Variants in PPP3CC observed in about 807,000 individuals in gnomAD.
The protein encoded by PPP3CC is protein phosphatase 3 catalytic subunit gamma.
In PPP3CC, 35 loss-of-function variants were observed where a neutral mutation model predicts 60.3. That is an observed-to-expected ratio of 0.58 (90% CI 0.44 to 0.77). The LOEUF is 0.77. Among genes scored for constraint, PPP3CC ranks in the 30% least tolerant of loss-of-function variants. The pLI, the probability that PPP3CC is intolerant of heterozygous loss-of-function variation, is 0.00. For missense variants in PPP3CC, 570 were observed against 628.9 expected (o/e 0.91, Z 1.00); for synonymous variants, 206 against 224.3 (o/e 0.92, Z 0.73).
intron 1 of PPP3CC, among the ~76,000 whole-genome samples, chr8:22,464,620 A>G (rs970031303): frequency 2.0e-5 from 3 of 152,156 alleles, no homozygotes; most frequent in Non-Finnish European, 4.4e-5. Context: ...GAGCTCAAGC[A>G]ATCCACCCAC....
chr8:22,540,506 C>A (rs1839935090), intron 13 of PPP3CC, 109 bp from the exon 14 acceptor site: 3 of 1,123,994 alleles, frequency 2.7e-6, no homozygotes, highest in Non-Finnish European at 3.8e-6. Flanking sequence ...CCATAGCCAC[C>A]TTTCTGTGTG....
intron 12 of PPP3CC, 84 bp from the exon 13 acceptor site, chr8:22,539,385 G>T (rs758388992): frequency 3.1e-5 from 45 of 1,460,896 alleles, no homozygotes; most frequent in Non-Finnish European, 4.1e-5. Flanking sequence ...CCCCTGGGAT[G>T]GCTGTGCTGC....
At chr8:22,456,774 C>T (rs1402279357) in intron 1 of PPP3CC, among the ~76,000 whole-genome samples, 1 of 152,194 alleles carries the variant, frequency 6.6e-6, no homozygotes, top group Non-Finnish European at 1.5e-5. Context: ...ACGGGAAACT[C>T]AGTTTTATAG....
At chr8:22,524,427 C>T (rs538201130) in intron 8 of PPP3CC, among the ~76,000 whole-genome samples, 33 of 152,298 alleles carry the variant, frequency 2.2e-4, no homozygotes, top group African/African-American at 7.7e-4. Context: ...AACTTAAGTT[C>T]TGTCCTAGTC....
At chr8:22,535,776 C>G (rs114444521) in intron 12 of PPP3CC, among the ~76,000 whole-genome samples, 3,044 of 152,276 alleles carry the variant, frequency 0.02, 118 homozygotes, top group African/African-American at 0.069. Flanking sequence ...CTGTTGCCCA[C>G]GCTGGAGTGC....
intron 4 of PPP3CC, among the ~76,000 whole-genome samples, chr8:22,510,182 CAAAAAA>C (rs71546815): frequency 1.4e-4 from 12 of 88,274 alleles, no homozygotes; most frequent in Non-Finnish European, 2.0e-4. Context: ...GACTCCGTCT[CAAAAAA>C]AAAAAAAAAA....
chr8:22,532,814 G>A (rs1186040871), intron 11 of PPP3CC, 107 bp from the exon 12 acceptor site: 2 of 675,372 alleles, frequency 3.0e-6, no homozygotes, highest in East Asian at 3.3e-5. Context: ...GGAGGTAGGA[G>A]AACCTATCTT....
chr8:22,508,549 T>G (rs1563756982), intron 4 of PPP3CC, among the ~76,000 whole-genome samples: 1 of 152,236 alleles, frequency 6.6e-6, no homozygotes, highest in Non-Finnish European at 1.5e-5. Context: ...CTTCCTTACT[T>G]GTCCAGACTT....
rs1031215257 is a variant in PPP3CC, at chr8:22,483,265, T to C, written c.372+7641T>C. The stretch of plus-strand genomic sequence containing the variant: ...TCTTTGGGAAGACCACATGTCATTT[T>C]ATTTTTTTATTTTTCAATTTTTATT... On this transcript the variant is annotated intron_variant, in intron 3 of 13. Transcript: ENST00000240139. Among the ~76,000 whole-genome samples the C allele has an allele frequency of 5.9e-5, 9 of 152,182 alleles. No homozygotes were observed. In the East Asian group the frequency reaches 1.7e-3, roughly 29 times the overall value.
At chr8:22,522,387 G>GT in intron 6 of PPP3CC, 104 bp from the exon 7 acceptor site, 2 of 858,574 alleles carry the variant, frequency 2.3e-6, no homozygotes, top group Non-Finnish European at 3.6e-6. Context: ...AATACTTGTA[G>GT]TTTTGAAACA....
At chr8:22,459,536 T>G (rs1837306252) in intron 1 of PPP3CC, among the ~76,000 whole-genome samples, 1 of 152,166 alleles carries the variant, frequency 6.6e-6, no homozygotes, top group Non-Finnish European at 1.5e-5. Context: ...TTCATTTTCA[T>G]GAGAGAGTAT....
At chr8:22,460,834 G>T (rs888289670) in intron 1 of PPP3CC, among the ~76,000 whole-genome samples, 1 of 151,958 alleles carries the variant, frequency 6.6e-6, no homozygotes, top group Admixed American at 6.6e-5. Flanking sequence ...AATGAAAAAA[G>T]AAAATCTTTA....
chr8:22,446,086 T>A (rs981556147), intron 1 of PPP3CC, among the ~76,000 whole-genome samples: 1 of 152,244 alleles, frequency 6.6e-6, no homozygotes, highest in Admixed American at 6.5e-5. Context: ...TTAAAAATTT[T>A]TTTTGCCTTA....
At chr8:22,462,497 G>A (rs1837390405) in intron 1 of PPP3CC, among the ~76,000 whole-genome samples, 1 of 152,136 alleles carries the variant, frequency 6.6e-6, no homozygotes, top group Non-Finnish European at 1.5e-5. Context: ...GATGGGTTGT[G>A]AATGTTTATA....
intron 3 of PPP3CC, 162 bp downstream of exon 3, chr8:22,475,786 T>C (rs1837870453): frequency 1.4e-6 from 1 of 698,556 alleles, no homozygotes; most frequent in Admixed American, 3.6e-5. Flanking sequence ...GATAGAACAG[T>C]TATTCCTTTT....
chr8:22,509,108 G>A (rs1839008746), intron 4 of PPP3CC, among the ~76,000 whole-genome samples: 1 of 152,146 alleles, frequency 6.6e-6, no homozygotes, highest in Admixed American at 6.5e-5. Context: ...ACTCAGGGAT[G>A]GAAGGCCTTA....
chr8:22,531,077 C>G lies in PPP3CC; in HGVS notation c.1142-1148C>G, dbSNP rs560329832. The stretch of plus-strand genomic sequence containing the variant: ...TCATAGATGTGAATTAATGTAAAAC[C>G]ATAAACTTTTAAGAAATGGAAGAAA... On this transcript the variant is annotated intron_variant, in intron 10 of 13. Transcript: ENST00000240139. Among the ~76,000 whole-genome samples, 5 of 152,100 alleles carry G rather than the reference C, an allele frequency of 3.3e-5. No individual in the cohort carries two copies. The South Asian group carries it at 1.0e-3, about 32-fold the overall frequency.
At chr8:22,441,552 C>A in intron 1 of PPP3CC, 94 bp downstream of exon 1, 1 of 1,374,020 alleles carries the variant, frequency 7.3e-7, no homozygotes, top group Non-Finnish European at 9.6e-7. Context: ...GGCCGGGCTG[C>A]GCCCACCCTA....
chr8:22,528,469 TA>T, intron 9 of PPP3CC, 36 bp from the exon 10 acceptor site: 1 of 1,400,836 alleles, frequency 7.1e-7, no homozygotes, highest in Non-Finnish European at 9.7e-7. Flanking sequence ...AGTACCTCAT[TA>T]ATCGCGTAAA....
Sources: gnomAD v4.1 joint callset for allele counts (sites outside exome capture counted in the v4.1 genomes callset) on GRCh38, gnomAD v4.1.1 for gene constraint, MANE v1.5 for transcripts, NCBI Gene and HGNC (gene_info 2026-07-23, HGNC 2026-07-21) for gene names.